The following NOX4 variants were observed in gnomAD, a reference collection of about 807,000 sequenced individuals.
The protein encoded by NOX4 is NADPH oxidase 4.
In NOX4, 69 loss-of-function variants were observed where a neutral mutation model predicts 87.6. The observed-to-expected ratio is 0.79, with a 90% confidence interval of 0.65 to 0.96. The LOEUF (loss-of-function observed/expected upper bound fraction) is 0.96. Among genes scored for constraint, NOX4 ranks in the 40% least tolerant of loss-of-function variants. The probability of loss-of-function intolerance (pLI) is 0.00; values close to 1 mark genes in which losing one functional copy is unlikely to be tolerated. For missense variants in NOX4, 680 were observed against 681.5 expected, an observed-to-expected ratio of 1.00 and a Z score of 0.02; for synonymous variants, 275 against 238.2, an observed-to-expected ratio of 1.15 and a Z score of -1.42.
At chr11:89,437,720 A>G (rs983229200) in intron 6 of NOX4, among the ~76,000 whole-genome samples, 57 of 152,124 alleles carry the variant, frequency 3.7e-4, no homozygotes, top group African/African-American at 1.4e-3. Context: ...AAGCTCACCT[A>G]CAAGTGGAAA....
intron 12 of NOX4, among the ~76,000 whole-genome samples, chr11:89,372,031 A>G (rs1459263943): frequency 1.3e-5 from 2 of 151,748 alleles, no homozygotes; most frequent in Non-Finnish European, 3.0e-5. Flanking sequence ...CCTTATATAA[A>G]CTATTGTTCT....
chr11:89,347,744 C>A (rs558357960), intron 13 of NOX4, among the ~76,000 whole-genome samples: 8 of 152,258 alleles, frequency 5.3e-5, no homozygotes, highest in African/African-American at 1.2e-4. Context: ...TGCCTCCGAA[C>A]ACCCTTAGAC....
At chr11:89,548,674 A>T in the NOX4 span, 1 of 152,190 alleles carries the variant, frequency 6.6e-6, no homozygotes, top group East Asian at 1.9e-4. Context: ...TATTTGTCTC[A>T]ATTCTCCTTG....
intron 11 of NOX4, among the ~76,000 whole-genome samples, chr11:89,378,941 A>G (rs117584891): frequency 5.5e-4 from 84 of 152,324 alleles, no homozygotes; most frequent in Non-Finnish European, 8.2e-4. Context: ...ATGCTTTTGC[A>G]TTTGTATGAA....
the NOX4 span, among the ~76,000 whole-genome samples, chr11:89,511,306 C>G: frequency 3.8e-4 from 58 of 152,034 alleles, 1 homozygote; most frequent in South Asian, 0.012. Flanking sequence ...TTATTATTAA[C>G]TGTGGGCATT....
At chr11:89,449,358 T>G in intron 4 of NOX4, 82 bp downstream of exon 4, 3 of 1,043,388 alleles carry the variant, frequency 2.9e-6, no homozygotes, top group Non-Finnish European at 4.1e-6. Context: ...AAACTTTCTC[T>G]GATCATTCTG....
intron 11 of NOX4, among the ~76,000 whole-genome samples, chr11:89,386,070 C>T (rs987621212): frequency 3.9e-5 from 6 of 152,144 alleles, no homozygotes; most frequent in African/African-American, 1.4e-4. Context: ...CACAAATCAT[C>T]AAGCTCAGCC....
intron 8 of NOX4, among the ~76,000 whole-genome samples, chr11:89,413,516 A>G (rs891425366): frequency 6.6e-6 from 1 of 152,132 alleles, no homozygotes; most frequent in African/African-American, 2.4e-5. Flanking sequence ...AGATCCTCTC[A>G]TTTTCAACGA....
intron 6 of NOX4, among the ~76,000 whole-genome samples, chr11:89,438,226 A>G (rs1004540797): frequency 2.8e-5 from 4 of 142,558 alleles, no homozygotes; most frequent in Non-Finnish European, 6.0e-5. Context: ...TATTATTAGT[A>G]TATTAGTATA....
At chr11:89,588,680 A>C in the NOX4 span, among the ~76,000 whole-genome samples, 1 of 152,148 alleles carries the variant, frequency 6.6e-6, no homozygotes, top group Admixed American at 6.5e-5. Flanking sequence ...TTGTGAAAAA[A>C]TGGTTGGCTG....
Position 89,474,458 on chromosome 11 carries a change from C to CAAAAAAAAAAAAAAAAA in NOX4, c.153+15983_153+15999dup, listed in dbSNP as rs67342388. On this transcript the variant is annotated intron_variant, in intron 2 of 17. Transcript: ENST00000263317. ...TTCACTGCCGTATGATCTATAATAC[C>CAAAAAAAAAAAAAAAAA]AAAAAAAAAAAAAAAAAAAAGGAAT... is the stretch of plus-strand genomic sequence containing the variant. Among the ~76,000 whole-genome samples the CAAAAAAAAAAAAAAAAA allele has an allele frequency of 7.2e-5, 7 of 97,044 alleles. 1 individual carries two copies. Among genetic ancestry groups the CAAAAAAAAAAAAAAAAA allele is most frequent in the Non-Finnish European group, 1.1e-4 (5 of 44,688 alleles). The allele number at this position is 97,044 out of a possible 152,430, so 63.7% of individuals were successfully genotyped here. A position where few individuals can be genotyped will look rare whatever the true frequency, so the allele number is the denominator to read the frequency against.
the NOX4 span, among the ~76,000 whole-genome samples, chr11:89,526,220 T>C: frequency 6.6e-6 from 1 of 152,204 alleles, no homozygotes; most frequent in African/African-American, 2.4e-5. Context: ...TGTCAATTAA[T>C]TAAAAACATA....
chr11:89,438,901 A>G (rs1420737173), intron 6 of NOX4, among the ~76,000 whole-genome samples: 1 of 43,088 alleles, frequency 2.3e-5, no homozygotes, highest in African/African-American at 8.5e-5. Context: ...TATATTATAT[A>G]TATAATATAT....
At chr11:89,338,940 T>G (rs1203235267) in intron 15 of NOX4, among the ~76,000 whole-genome samples, 1 of 152,162 alleles carries the variant, frequency 6.6e-6, no homozygotes, top group Non-Finnish European at 1.5e-5. Flanking sequence ...TGATGCTGGA[T>G]GTATTTATTG....
intron 11 of NOX4, among the ~76,000 whole-genome samples, chr11:89,383,942 A>T (rs1940493692): frequency 6.6e-6 from 1 of 151,966 alleles, no homozygotes; most frequent in African/African-American, 2.4e-5. Flanking sequence ...ATTAAAACCT[A>T]ATCACCTTTA....
At chr11:89,472,784 A>G (rs963738620) in intron 2 of NOX4, among the ~76,000 whole-genome samples, 1 of 152,194 alleles carries the variant, frequency 6.6e-6, no homozygotes, top group African/African-American at 2.4e-5. Context: ...TTCAACATAA[A>G]TGGCATTCAG....
chr11:89,411,330 T>C (rs574589844), intron 8 of NOX4, among the ~76,000 whole-genome samples: 3 of 152,154 alleles, frequency 2.0e-5, no homozygotes, highest in African/African-American at 7.2e-5. Context: ...AGGGACTCCT[T>C]CTGCGTAAGA....
At chr11:89,526,687 C>T in the NOX4 span, among the ~76,000 whole-genome samples, 1 of 152,110 alleles carries the variant, frequency 6.6e-6, no homozygotes, top group Non-Finnish European at 1.5e-5. Context: ...TTTCCTGCTG[C>T]CTTGTAAAGA....
the NOX4 span, among the ~76,000 whole-genome samples, chr11:89,577,935 G>A: frequency 2.6e-5 from 4 of 151,998 alleles, no homozygotes; most frequent in Non-Finnish European, 5.9e-5. Context: ...TATTTCTAAG[G>A]CAAAGTTTAA....
Sources: gnomAD v4.1 joint callset for allele counts (sites outside exome capture counted in the v4.1 genomes callset) on GRCh38, gnomAD v4.1.1 for gene constraint, MANE v1.5 for transcripts, NCBI Gene and HGNC (gene_info 2026-07-23, HGNC 2026-07-21) for gene names.